The following WNT7A variants were observed in gnomAD, a reference collection of about 807,000 sequenced individuals.
The protein encoded by WNT7A is Wnt family member 7A, also known as protein Wnt-7a.
Under a neutral mutation model 28.2 loss-of-function variants are expected in WNT7A, and 16 were observed. That is an observed-to-expected ratio of 0.57 (90% CI 0.38 to 0.86). The LOEUF is 0.86. WNT7A is among the 40% of genes least tolerant of loss of function. WNT7A has a pLI of 0.00. For missense variants in WNT7A, 411 were observed against 489.7 expected (o/e 0.84, Z 1.52); for synonymous variants, 190 against 195.9 (o/e 0.97, Z 0.25).
chr3:13,821,848 A>T (rs1401522486), intron 3 of WNT7A, among the ~76,000 whole-genome samples: 1 of 152,190 alleles, frequency 6.6e-6, no homozygotes, highest in African/African-American at 2.4e-5. Context: ...CTGCTCCTTG[A>T]TATGGTTTAT....
Position 13,880,042 on chromosome 3 carries a change from G to C in WNT7A, c.-226C>G. 2.8e-6 allele frequency: 1 copy of C among 354,530 alleles called. No individual in the cohort carries two copies. The highest frequency in any genetic ancestry group is 2.1e-5 in the African/African-American group (1 of 46,884). The allele number at this position is 354,530 out of a possible 1,614,324, so 22.0% of individuals were successfully genotyped here. A position where few individuals can be genotyped will look rare whatever the true frequency, so the allele number is the denominator to read the frequency against. On this transcript the variant is annotated 5_prime_UTR_variant, in exon 1 of 4. Transcript: ENST00000285018. ...AGCGAGCGCGGCGTGGGGCGACGCC[G>C]GGCTGCGCGCGAGCGACCGGTGCAA... is the stretch of plus-strand genomic sequence containing the variant.
chr3:13,860,726 G>A (rs1476002064), intron 2 of WNT7A, among the ~76,000 whole-genome samples: 1 of 152,112 alleles, frequency 6.6e-6, no homozygotes, highest in East Asian at 1.9e-4. Flanking sequence ...CATGCTCACT[G>A]CTCCGAGAAC....
At position 13,875,157 on chromosome 3, in the gene WNT7A, C is replaced by A; in HGVS notation, c.88G>T (p.Val30Leu). 6.2e-7 allele frequency: 1 copy of A among 1,614,066 alleles called. No homozygotes were observed. Among genetic ancestry groups the A allele is most frequent in the Non-Finnish European group, 8.5e-7 (1 of 1,180,008 alleles). Residue 30 changes from valine (V) to leucine (L), a missense_variant, in exon 2 of 4, where the codon GTA becomes TTA. Val to Leu is a conservative substitution (Grantham distance 32, BLOSUM62 1). Transcript: ENST00000285018. ...CAGATGATGCTTGCGCCCAGAGCTA[C>A]CACTGAGGAGAAGCCACTGGAGGGA... ...YLRIGGFSSV[V>L]ALGASIICNK...
At chr3:13,859,523 C>T (rs1694796033) in intron 2 of WNT7A, among the ~76,000 whole-genome samples, 1 of 152,142 alleles carries the variant, frequency 6.6e-6, no homozygotes, top group East Asian at 1.9e-4. Context: ...GAAGAACTTG[C>T]CCTGCATCTG....
intron 3 of WNT7A, among the ~76,000 whole-genome samples, chr3:13,826,217 A>G (rs1215079864): frequency 6.6e-6 from 1 of 152,234 alleles, no homozygotes; most frequent in Non-Finnish European, 1.5e-5. Context: ...CTGAGTTTGC[A>G]GTCCTTGCCA....
intron 3 of WNT7A, among the ~76,000 whole-genome samples, chr3:13,826,771 T>C (rs969007326): frequency 6.6e-6 from 1 of 152,162 alleles, no homozygotes; most frequent in African/African-American, 2.4e-5. Context: ...AAAAATTGAT[T>C]GCAAAATCAC....
chr3:13,879,379 G>A (rs1695170160), intron 1 of WNT7A, among the ~76,000 whole-genome samples: 1 of 152,170 alleles, frequency 6.6e-6, no homozygotes, highest in African/African-American at 2.4e-5. Flanking sequence ...TGTGGTCCTG[G>A]CTTGATGTTC....
intron 2 of WNT7A, among the ~76,000 whole-genome samples, chr3:13,864,904 A>C (rs1694886912): frequency 6.6e-6 from 1 of 152,218 alleles, no homozygotes; most frequent in Admixed American, 6.5e-5. Flanking sequence ...AGGGACTTTC[A>C]ATGGTAATGT....
intron 3 of WNT7A, among the ~76,000 whole-genome samples, chr3:13,850,603 A>C (rs564785251): frequency 4.6e-4 from 70 of 152,226 alleles, no homozygotes; most frequent in African/African-American, 1.6e-3. Flanking sequence ...GCCCCGTCCC[A>C]GCTGGGCCCC....
In WNT7A at chr3:13,819,034, G is replaced by T. The variant is rs1439946741; in HGVS notation, c.960C>A (p.Arg320=). Residue 320 remains arginine (R), a synonymous_variant, in exon 4 of 4, where the codon CGC becomes CGA. Transcript: ENST00000285018. ...GGAACTTACAGTTGCACTGCCACAC[G>T]CGGGCGTACTGGTGGGTGTTGTAGC... ...GRGYNTHQYA[R]VWQCNCKFHW... 6.2e-7 allele frequency: 1 copy of T among 1,612,798 alleles called. No homozygotes were observed. Among genetic ancestry groups the T allele is most frequent in the African/African-American group, 1.3e-5 (1 of 74,916 alleles).
chr3:13,847,923 A>T (rs1037803283), intron 3 of WNT7A, among the ~76,000 whole-genome samples: 1 of 152,222 alleles, frequency 6.6e-6, no homozygotes, highest in Admixed American at 6.5e-5. Context: ...AGTGTGCTTG[A>T]TGCCACTGGG....
intron 3 of WNT7A, among the ~76,000 whole-genome samples, chr3:13,841,700 T>G (rs9862841): frequency 0.2 from 30,490 of 152,240 alleles, 3,249 homozygotes; most frequent in South Asian, 0.36. Flanking sequence ...TGTCTGGGCC[T>G]GTGCCGTTCC....
intron 3 of WNT7A, among the ~76,000 whole-genome samples, chr3:13,845,386 T>G (rs937330676): frequency 2.0e-5 from 3 of 152,234 alleles, no homozygotes; most frequent in African/African-American, 7.2e-5. Context: ...ACCAAGCACT[T>G]GAAACATGGA....
chr3:13,832,405 A>C (rs1435484318), intron 3 of WNT7A, among the ~76,000 whole-genome samples: 3 of 124,556 alleles, frequency 2.4e-5, no homozygotes, highest in South Asian at 2.7e-4. Flanking sequence ...GGCTCCTCCC[A>C]CTCTTCCTTC....
At position 13,845,022 on chromosome 3, in the gene WNT7A, G is replaced by A. The variant is rs527663173; in HGVS notation, c.570+9510C>T. 3.3e-5 allele frequency among the ~76,000 whole-genome samples: 5 copies of A among 152,324 alleles called. No homozygotes were observed. In the South Asian group the frequency reaches 1.0e-3, roughly 32 times the overall value. On this transcript the variant is annotated intron_variant, in intron 3 of 3. Coordinates refer to ENST00000285018, the MANE Select transcript of WNT7A (RefSeq NM_004625.4). Reference sequence around the variant, plus strand: ...CGTCTTTTGACTTGATCTCACTGTGGTGTAACTGAGCCCCTGACTCTACCT... The same window carrying A: ...CGTCTTTTGACTTGATCTCACTGTGATGTAACTGAGCCCCTGACTCTACCT...
chr3:13,854,831 G>T, intron 2 of WNT7A, 28 bp from the exon 3 acceptor site: 1 of 1,609,972 alleles, frequency 6.2e-7, no homozygotes, highest in South Asian at 1.1e-5. Context: ...GAGGAGACAA[G>T]TTGGGGTCAG....
chr3:13,868,584 G>GGAAGAA (rs1559306902), intron 2 of WNT7A, among the ~76,000 whole-genome samples: 1 of 17,964 alleles, frequency 5.6e-5, no homozygotes, highest in African/African-American at 3.1e-4. Flanking sequence ...GAGAGAGAGA[G>GGAAGAA]AGAGAGGGAG....
chr3:13,838,798 C>G (rs1246122380), intron 3 of WNT7A, among the ~76,000 whole-genome samples: 1 of 152,162 alleles, frequency 6.6e-6, no homozygotes, highest in East Asian at 1.9e-4. Flanking sequence ...CAGAAGGTAG[C>G]GAGCTCCCTA....
At chr3:13,854,408 G>A in intron 3 of WNT7A, 124 bp downstream of exon 3, 1 of 1,501,698 alleles carries the variant, frequency 6.7e-7, no homozygotes, top group South Asian at 1.1e-5. Flanking sequence ...CCAGCACCAA[G>A]CAGAATGAGG....
Sources: gnomAD v4.1 joint callset for allele counts (sites outside exome capture counted in the v4.1 genomes callset) on GRCh38, gnomAD v4.1.1 for gene constraint, MANE v1.5 for transcripts, NCBI Gene and HGNC (gene_info 2026-07-23, HGNC 2026-07-21) for gene names.